COL6A2: variants seen among roughly 807,000 people sequenced by gnomAD.
COL6A2 encodes collagen alpha-2(VI) chain.
Under a neutral mutation model 124.9 loss-of-function variants are expected in COL6A2, and 90 were observed. The ratio of observed to expected loss-of-function variants is 0.72; its 90% CI spans 0.61 to 0.86. COL6A2 has a LOEUF of 0.86. Ranked by LOEUF, COL6A2 falls within the 40% of genes least tolerant of loss-of-function variation. The probability of loss-of-function intolerance (pLI) is 0.00; values close to 1 mark genes in which losing one functional copy is unlikely to be tolerated. For synonymous variants in COL6A2, 793 were observed against 618.2 expected (o/e 1.28, Z -4.19); for missense variants, 1,607 against 1,502.5 (o/e 1.07, Z -1.15).
At chr21:46,125,437 C>G in intron 24 of COL6A2, 28 bp from the exon 25 acceptor site, 2 of 1,603,460 alleles carry the variant, frequency 1.2e-6, no homozygotes, top group African/African-American at 1.3e-5. Flanking sequence ...CTCCCCGGTA[C>G]CCCCCGATGA....
rs2078779283 is a variant in COL6A2, at chr21:46,132,681, C to T, written c.*129C>T. The T allele has an allele frequency of 8.1e-6, 8 of 984,216 alleles. No homozygotes were observed. The highest frequency in any genetic ancestry group is 1.2e-5 in the Non-Finnish European group (8 of 653,922). 61.0% of individuals were successfully genotyped at this position (984,216 alleles called of 1,614,324 possible). On this transcript the variant is annotated 3_prime_UTR_variant, in exon 28 of 28. Coordinates refer to ENST00000300527, the MANE Select transcript of COL6A2 (RefSeq NM_001849.4). ...ACGCCCTGGGCCTGCACCTCTCCAG[C>T]TCCTCCCACGGGGTCCCCGTAGCCC...
chr21:46,125,952 C>T lies in COL6A2; in HGVS notation c.2137C>T (p.Arg713Cys), dbSNP rs139627965. Residue 713 changes from arginine to cysteine, a missense_variant, in exon 26 of 28, where the codon CGC (arginine) becomes TGC (cysteine). Transcript: ENST00000300527. ...CTCAGCCCTCAAGTTTGCCTACGAC[C>T]GCCTCATCAAGGAGAGCCGGCGCCA... is the stretch of plus-strand genomic sequence containing the variant. ...TPSALKFAYDRLIKESRRQKT... is the reference protein window; with the variant it reads ...TPSALKFAYDCLIKESRRQKT... 5.0e-6 allele frequency: 8 copies of T among 1,613,024 alleles called. No homozygotes were observed. The highest frequency in any genetic ancestry group is 2.7e-5 in the African/African-American group (2 of 74,878).
Position 46,112,120 on chromosome 21 carries a change from A to C in COL6A2, c.257A>C (p.Tyr86Ser), listed in dbSNP as rs778821266. Reference sequence around the variant, plus strand: ...ATCAGCCAGCTGCAGAACGAGTTCTACCTGGACCAGGTGGCGCTGAGCTGG... The same window carrying C: ...ATCAGCCAGCTGCAGAACGAGTTCTCCCTGGACCAGGTGGCGCTGAGCTGG... ...QFISQLQNEFYLDQVALSWRY... is the reference protein window; with the variant it reads ...QFISQLQNEFSLDQVALSWRY... The change falls in exon 3 of 28, where the codon TAC becomes TCC. Residue 86 changes from tyrosine (Y) to serine (S), a missense_variant. By Grantham distance (144) the Tyr-to-Ser change is moderately radical (BLOSUM62 -2). This residue lies in a region of COL6A2 where 342 missense variants were observed against 381.5 expected (regional missense o/e 0.90). Transcript: ENST00000300527. 3.7e-6 allele frequency: 6 copies of C among 1,613,068 alleles called. No individual in the cohort carries two copies. The highest frequency in any genetic ancestry group is 1.7e-6 in the Non-Finnish European group (2 of 1,180,044).
intron 27 of COL6A2, chr21:46,129,238 G>T: frequency 6.2e-7 from 1 of 1,612,894 alleles, no homozygotes; most frequent in Non-Finnish European, 8.5e-7. Flanking sequence ...ACCTTCCTCC[G>T]CACGGAAGAG....
intron 27 of COL6A2, among the ~76,000 whole-genome samples, chr21:46,127,094 C>T (rs1395724256): frequency 6.6e-6 from 1 of 152,186 alleles, no homozygotes; most frequent in Non-Finnish European, 1.5e-5. Flanking sequence ...GCCGTCCAGG[C>T]TCTGCTGGAC....
Position 46,129,817 on chromosome 21 carries a change from C to T in COL6A2, c.2462-2137C>T, listed in dbSNP as rs187629971. ...CTTAACTCACTCCCGTCTGCAGAGTCCTTCTTTGCTGCATCAGGTCACCCT... is the reference window on the plus strand; with the variant it reads ...CTTAACTCACTCCCGTCTGCAGAGTTCTTCTTTGCTGCATCAGGTCACCCT... On this transcript the variant is annotated intron_variant, in intron 27 of 27. Transcript: ENST00000300527. 1.8e-4 allele frequency: 208 copies of T among 1,137,900 alleles called. 1 individual carries two copies. The African/African-American group carries it at 2.3e-3, about 13-fold the overall frequency. 70.5% of individuals were successfully genotyped at this position (1,137,900 alleles called of 1,614,324 possible). A position where few individuals can be genotyped will look rare whatever the true frequency, so the allele number is the denominator to read the frequency against.
At position 46,119,793 on chromosome 21, in the gene COL6A2, C is replaced by T. The variant is rs1165024332; in HGVS notation, c.1275C>T (p.Arg425=). The T allele has an allele frequency of 5.8e-6, 9 of 1,561,402 alleles. No individual in the cohort carries two copies. In the African/African-American group the frequency reaches 1.2e-4, roughly 21 times the overall value. Reference sequence around the variant, plus strand: ...CACACGCCTGTTCTCTGCAGGGGCGCAGGGGAGACCCCGGCACCAAGGGCA... The same window carrying T: ...CACACGCCTGTTCTCTGCAGGGGCGTAGGGGAGACCCCGGCACCAAGGGCA... ...GPRGPKGEPG[R]RGDPGTKGSP... Residue 425 remains arginine, a synonymous_variant, in exon 15 of 28, where the codon CGC becomes CGT. Transcript: ENST00000300527.
At chr21:46,118,100 G>T (rs1270275730) in intron 12 of COL6A2, among the ~76,000 whole-genome samples, 164 bp downstream of exon 12, 1 of 152,106 alleles carries the variant, frequency 6.6e-6, no homozygotes, top group Non-Finnish European at 1.5e-5. Flanking sequence ...CCTGCCCGTT[G>T]CTTCATCAGC....
At chr21:46,113,703 G>A (rs930146765) in intron 4 of COL6A2, 1 of 473,160 alleles carries the variant, frequency 2.1e-6, no homozygotes, top group African/African-American at 2.0e-5. Context: ...TGGGATTCCA[G>A]GCGTGAGCTG....
chr21:46,120,670 C>A, intron 16 of COL6A2, 93 bp downstream of exon 16: 1 of 1,235,638 alleles, frequency 8.1e-7, no homozygotes, highest in Non-Finnish European at 1.1e-6. Flanking sequence ...GGACTGCACC[C>A]CAAGGTAGGG....
At chr21:46,120,142 T>TCACACCCCCGGCCCACTGAGG (rs2078540427) in intron 15 of COL6A2, among the ~76,000 whole-genome samples, 1 of 137,198 alleles carries the variant, frequency 7.3e-6, no homozygotes, top group African/African-American at 2.6e-5. Flanking sequence ...GAGGCACCTC[T>TCACACCCCCGGCCCACTGAGG]TACCCCCAGC....
At chr21:46,105,862 C>T (rs1367804247) in intron 1 of COL6A2, among the ~76,000 whole-genome samples, 5 of 152,216 alleles carry the variant, frequency 3.3e-5, no homozygotes, top group African/African-American at 1.2e-4. Context: ...TGAAAGAAGT[C>T]CCTCTTTATC....
chr21:46,114,198 G>T, intron 5 of COL6A2, 125 bp downstream of exon 5: 1 of 774,954 alleles, frequency 1.3e-6, no homozygotes, highest in East Asian at 2.6e-5. Context: ...AGGCCGAGGC[G>T]GGCGGATCAC....
intron 27 of COL6A2, chr21:46,129,680 T>C (rs2078734079): frequency 5.6e-6 from 8 of 1,418,692 alleles, no homozygotes; most frequent in Non-Finnish European, 7.3e-6. Flanking sequence ...TGTCCCTTGC[T>C]GCGGCTGCAT....
chr21:46,128,966 C>A (rs994652977), intron 27 of COL6A2: 2 of 1,609,964 alleles, frequency 1.2e-6, no homozygotes, highest in Non-Finnish European at 8.5e-7. Context: ...CCCAAAGGTG[C>A]CACCGTGCGG....
chr21:46,126,121 G>A lies in COL6A2; in HGVS notation c.2306G>A (p.Ser769Asn), dbSNP rs948619683. ...GACATGTTCCACGAGAAGCACGAGA[G>A]TGAAAACCTCTACTCCATCGCCTGC... Reference protein sequence around the residue: ...IGDMFHEKHESENLYSIACDK... With the variant: ...IGDMFHEKHENENLYSIACDK... The change falls in exon 26 of 28, where the codon AGT (serine) becomes AAT (asparagine). Residue 769 changes from serine (S) to asparagine (N), a missense_variant. Physicochemically the swap from Ser to Asn is conservative, Grantham distance 46. Transcript: ENST00000300527. 4 of 1,612,312 alleles carry A rather than the reference G, an allele frequency of 2.5e-6. No individual in the cohort carries two copies. The highest frequency in any genetic ancestry group is 2.7e-5 in the African/African-American group (2 of 74,934).
chr21:46,115,831 C>T (rs373943374), intron 5 of COL6A2, 41 bp from the exon 6 acceptor site: 1 of 1,602,970 alleles, frequency 6.2e-7, no homozygotes, highest in South Asian at 1.1e-5. Context: ...GCCTACCGCC[C>T]ACCCTACCCT....
rs200482836 is a variant in COL6A2 at position 46,121,092 on chromosome 21, C to A, written c.1427C>A (p.Pro476His). 2.5e-6 allele frequency: 4 copies of A among 1,612,778 alleles called. No homozygotes were observed. The African/African-American group carries it at 5.3e-5, about 21-fold the overall frequency. Residue 476 changes from proline (P) to histidine (H), a missense_variant, in exon 17 of 28, where the codon CCC becomes CAC. Physicochemically the swap from Pro to His is moderately conservative, Grantham distance 77 (BLOSUM62 -2). This residue lies in a region of COL6A2 where 1,223 missense variants were observed against 1,052.2 expected (regional missense o/e 1.16). Transcript: ENST00000300527. The part of the protein sequence containing the change: ...GDRGLPGPRG[P>H]QGALGEPGKQ... ...CGAGGCTTGCCTGGACCCAGAGGCC[C>A]CCAGGGAGCTCTTGGGGAGCCCGGA...
intron 21 of COL6A2, among the ~76,000 whole-genome samples, chr21:46,123,630 T>C (rs1191144400): frequency 2.7e-5 from 4 of 149,944 alleles, no homozygotes; most frequent in Non-Finnish European, 5.9e-5. Flanking sequence ...GCTGGATGAG[T>C]GGGTGGGTGG....
Sources: gnomAD v4.1 joint callset for allele counts (sites outside exome capture counted in the v4.1 genomes callset) on GRCh38, gnomAD v4.1.1 for gene constraint, gnomAD v4.1.1 regional missense constraint, MANE v1.5 for transcripts, NCBI Gene and HGNC (gene_info 2026-07-23, HGNC 2026-07-21) for gene names.